Variants in NUDCD3 observed in about 807,000 individuals in gnomAD.
NUDCD3 encodes the protein nudC domain-containing protein 3.
A neutral mutation model predicts 39.7 loss-of-function variants in NUDCD3; 13 were observed. The ratio of observed to expected loss-of-function variants is 0.33; its 90% CI spans 0.21 to 0.52. The LOEUF (loss-of-function observed/expected upper bound fraction) is 0.52, where lower values mean the gene tolerates loss of function less well. NUDCD3 is among the 20% of genes least tolerant of loss of function. The pLI, the probability that NUDCD3 is intolerant of heterozygous loss-of-function variation, is 0.96. For synonymous variants in NUDCD3, 175 were observed against 172.4 expected, an observed-to-expected ratio of 1.02 and a Z score of -0.12; for missense variants, 453 against 458.1, an observed-to-expected ratio of 0.99 and a Z score of 0.10.
chr7:44,454,902 C>G (rs537371699), intron 2 of NUDCD3, among the ~76,000 whole-genome samples: 1 of 151,980 alleles, frequency 6.6e-6, no homozygotes, highest in East Asian at 1.9e-4. Context: ...CCATTGCACT[C>G]TAGCCTGGGT....
At chr7:44,410,193 G>A (rs1484183409) in intron 3 of NUDCD3, among the ~76,000 whole-genome samples, 1 of 152,076 alleles carries the variant, frequency 6.6e-6, no homozygotes, top group Non-Finnish European at 1.5e-5. Flanking sequence ...CTAAAAGGGA[G>A]CCAGCCTCAC....
chr7:44,443,895 C>G (rs750201960), intron 2 of NUDCD3, among the ~76,000 whole-genome samples: 1 of 152,128 alleles, frequency 6.6e-6, no homozygotes, highest in African/African-American at 2.4e-5. Flanking sequence ...TTTATGAGCA[C>G]CAGCCTCCTC....
At chr7:44,467,898 T>C (rs571409008) in intron 2 of NUDCD3, 31 of 1,604,004 alleles carry the variant, frequency 1.9e-5, no homozygotes, top group Non-Finnish European at 2.5e-5. Context: ...CTCGGCATCA[T>C]GGCCGCCCTC....
intron 2 of NUDCD3, among the ~76,000 whole-genome samples, chr7:44,433,618 G>A (rs1454285824): frequency 6.6e-6 from 1 of 152,166 alleles, no homozygotes; most frequent in Non-Finnish European, 1.5e-5. Flanking sequence ...TGTGTGTGAT[G>A]TACGTGCCAT....
chr7:44,411,673 T>G (rs1479922217), intron 3 of NUDCD3, among the ~76,000 whole-genome samples: 1 of 152,218 alleles, frequency 6.6e-6, no homozygotes, highest in East Asian at 1.9e-4. Flanking sequence ...AGCACCCTCA[T>G]ACATTTCTGG....
At chr7:44,409,837 T>C (rs991667978) in intron 3 of NUDCD3, among the ~76,000 whole-genome samples, 9 of 152,134 alleles carry the variant, frequency 5.9e-5, no homozygotes, top group Admixed American at 3.3e-4. Context: ...GAAATTATTA[T>C]TACCATTTTT....
At chr7:44,423,335 A>C (rs995167518) in intron 3 of NUDCD3, among the ~76,000 whole-genome samples, 1 of 152,210 alleles carries the variant, frequency 6.6e-6, no homozygotes, top group Non-Finnish European at 1.5e-5. Flanking sequence ...TCAAATAGGA[A>C]GGGAGGAAGT....
chr7:44,390,932 G>A (rs1441268635), intron 5 of NUDCD3, among the ~76,000 whole-genome samples: 5 of 152,194 alleles, frequency 3.3e-5, no homozygotes, highest in South Asian at 2.1e-4. Context: ...CTGCATGGAC[G>A]TAGGCCAAGC....
At chr7:44,461,923 G>A (rs1027178998) in intron 2 of NUDCD3, among the ~76,000 whole-genome samples, 1 of 152,138 alleles carries the variant, frequency 6.6e-6, no homozygotes, top group African/African-American at 2.4e-5. Flanking sequence ...TCCACAGTTG[G>A]GATGGACACA....
chr7:44,414,543 C>T (rs907099408), intron 3 of NUDCD3, among the ~76,000 whole-genome samples: 5 of 152,120 alleles, frequency 3.3e-5, no homozygotes, highest in Admixed American at 3.3e-4. Flanking sequence ...GTTGAAATAT[C>T]CCCAAAACCA....
At chr7:44,407,394 C>T (rs1042330363) in intron 3 of NUDCD3, among the ~76,000 whole-genome samples, 2 of 151,604 alleles carry the variant, frequency 1.3e-5, no homozygotes, top group African/African-American at 4.8e-5. Flanking sequence ...GGAGAAACCC[C>T]GTCTCTACCA....
At chr7:44,418,094 C>T (rs868133867) in intron 3 of NUDCD3, among the ~76,000 whole-genome samples, 1 of 152,094 alleles carries the variant, frequency 6.6e-6, no homozygotes, top group Non-Finnish European at 1.5e-5. Context: ...TTTCAAGTGG[C>T]CCCTGGAGAA....
intron 2 of NUDCD3, among the ~76,000 whole-genome samples, chr7:44,432,160 T>C (rs1799376401): frequency 6.6e-6 from 1 of 152,172 alleles, no homozygotes; most frequent in South Asian, 2.1e-4. Flanking sequence ...CACACACCTG[T>C]AGTGCTGGCT....
intron 2 of NUDCD3, among the ~76,000 whole-genome samples, chr7:44,478,497 A>G (rs553140856): frequency 1.3e-5 from 2 of 152,280 alleles, no homozygotes; most frequent in South Asian, 2.1e-4. Context: ...AAGTTGCAGT[A>G]AGCCGAGATC....
intron 2 of NUDCD3, among the ~76,000 whole-genome samples, chr7:44,462,945 CTGTGTGTGTGTGTG>C (rs3138779): frequency 2.0e-3 from 288 of 146,792 alleles, no homozygotes; most frequent in African/African-American, 6.3e-3. Context: ...CACAACCAGG[CTGTGTGTGTGTGTG>C]TGTGTGTGTG....
At chr7:44,388,237 C>T (rs1798433848) in intron 5 of NUDCD3, among the ~76,000 whole-genome samples, 1 of 152,228 alleles carries the variant, frequency 6.6e-6, no homozygotes. Flanking sequence ...ACGCTGGTAA[C>T]TGTGACTATG....
intron 5 of NUDCD3, among the ~76,000 whole-genome samples, chr7:44,387,796 A>C (rs1585046937): frequency 6.6e-6 from 1 of 152,180 alleles, no homozygotes; most frequent in African/African-American, 2.4e-5. Context: ...TCCTGAGGCA[A>C]AAGTGGAGAG....
At chr7:44,487,318 G>A (rs1489570752) in intron 1 of NUDCD3, among the ~76,000 whole-genome samples, 1 of 152,118 alleles carries the variant, frequency 6.6e-6, no homozygotes, top group Non-Finnish European at 1.5e-5. Flanking sequence ...GGAACGCTTT[G>A]AAGTTCCACA....
In NUDCD3 at chr7:44,385,712, C is replaced by T. The variant is rs1798389944; in HGVS notation, c.*299G>A. ...AGGAAAGACATGCTGCCTGCAGTGG[C>T]TGGTTGCTGTGGAGACAAAAGCATG... On this transcript the variant is annotated 3_prime_UTR_variant, in exon 6 of 6. Coordinates refer to ENST00000355451, the MANE Select transcript of NUDCD3 (RefSeq NM_015332.4). 2 of 392,098 alleles carry T rather than the reference C, an allele frequency of 5.1e-6. No homozygotes were observed. The highest frequency in any genetic ancestry group is 2.0e-5 in the African/African-American group (1 of 49,086). The allele number at this position is 392,098 out of a possible 1,614,324, so 24.3% of individuals were successfully genotyped here.
Sources: gnomAD v4.1 joint callset for allele counts (sites outside exome capture counted in the v4.1 genomes callset) on GRCh38, gnomAD v4.1.1 for gene constraint, MANE v1.5 for transcripts, NCBI Gene and HGNC (gene_info 2026-07-23, HGNC 2026-07-21) for gene names.